SPART: variants seen among roughly 807,000 people sequenced by gnomAD.
SPART encodes spartin.
Under a neutral mutation model 58.7 loss-of-function variants are expected in SPART, and 35 were observed. That is an observed-to-expected ratio of 0.60 (90% confidence interval 0.46 to 0.79). The LOEUF (loss-of-function observed/expected upper bound fraction) is 0.79, where lower values mean the gene tolerates loss of function less well. Ranked by LOEUF, SPART falls within the 30% of genes least tolerant of loss-of-function variation. The pLI is 0.00. For missense variants in SPART, 730 were observed against 786.1 expected (o/e 0.93, Z 0.85); for synonymous variants, 284 against 280.7 (o/e 1.01, Z -0.12).
intron 1 of SPART, among the ~76,000 whole-genome samples, chr13:36,342,710 T>A (rs968469112): frequency 2.6e-5 from 4 of 152,120 alleles, no homozygotes; most frequent in Non-Finnish European, 5.9e-5. Context: ...CCACTCTAAA[T>A]GGTCTTCAAA....
chr13:36,348,221 G>A (rs7986488), upstream of SPART, among the ~76,000 whole-genome samples: 37,937 of 152,024 alleles, frequency 0.25, 5,245 homozygotes, highest in East Asian at 0.51. Flanking sequence ...GGGAGGCAGA[G>A]GCAGCAGTGA....
intron 1 of SPART, among the ~76,000 whole-genome samples, chr13:36,355,854 C>A (rs1200721545): frequency 6.6e-6 from 1 of 150,804 alleles, no homozygotes; most frequent in Non-Finnish European, 1.5e-5. Flanking sequence ...AAAAACCCCA[C>A]AATTACCTTT....
chr13:36,340,811 G>A (rs1221212833), intron 1 of SPART, among the ~76,000 whole-genome samples: 4 of 152,160 alleles, frequency 2.6e-5, no homozygotes, highest in African/African-American at 9.7e-5. Context: ...AGTATTCAGG[G>A]TTCCATTAGT....
At chr13:36,369,549 A>C (rs182965128) in intron 1 of SPART, 2 of 152,318 alleles carry the variant, frequency 1.3e-5, no homozygotes, top group Admixed American at 1.3e-4. Context: ...CTTTCCCCCA[A>C]GAAAATACAG....
rs778853069 is a variant in SPART, at chr13:36,312,312, T to C, written c.1642+7A>G. 1 of 1,613,896 alleles carries C rather than the reference T, an allele frequency of 6.2e-7. No individual in the cohort carries two copies. Among genetic ancestry groups the C allele is most frequent in the African/African-American group, 1.3e-5 (1 of 74,908 alleles). ...CTTCATAGTTAAAATTCTGGGCCCT[T>C]TGTTACCTTGAACACTACTTGCTGC... On this transcript the variant is annotated splice_region_variant and intron_variant, in intron 7 of 8. Coordinates refer to ENST00000438666, the MANE Select transcript of SPART (RefSeq NM_015087.5).
At chr13:36,318,468 A>G (rs1881977940) in intron 5 of SPART, among the ~76,000 whole-genome samples, 1 of 152,222 alleles carries the variant, frequency 6.6e-6, no homozygotes, top group Admixed American at 6.5e-5. Context: ...TTCTCAAAAT[A>G]CATTTTATTA....
At chr13:36,310,544 T>C (rs1004564006) in intron 8 of SPART, among the ~76,000 whole-genome samples, 1 of 152,196 alleles carries the variant, frequency 6.6e-6, no homozygotes, top group African/African-American at 2.4e-5. Flanking sequence ...TGAAACCTAG[T>C]TGTATCCCAC....
chr13:36,363,195 T>G (rs1222736619), intron 1 of SPART, among the ~76,000 whole-genome samples: 1 of 152,236 alleles, frequency 6.6e-6, no homozygotes, highest in Non-Finnish European at 1.5e-5. Flanking sequence ...AGTCTAAAGA[T>G]GAGTAATGAT....
upstream of SPART, among the ~76,000 whole-genome samples, chr13:36,350,222 C>CTGGG (rs1289476781): frequency 6.6e-6 from 1 of 152,174 alleles, no homozygotes; most frequent in Non-Finnish European, 1.5e-5. Flanking sequence ...AGGGCTTCCC[C>CTGGG]GAATTCCTTA....
chr13:36,312,105 C>A (rs770843751), intron 8 of SPART, 40 bp downstream of exon 8: 4 of 1,577,720 alleles, frequency 2.5e-6, no homozygotes, highest in Admixed American at 1.7e-5. Context: ...ACAACAACAA[C>A]AAAACAGAGA....
At position 36,312,042 on chromosome 13, in the gene SPART, G is replaced by A. The variant is rs946196829; in HGVS notation, c.1733+103C>T. 146 of 1,042,230 alleles carry A rather than the reference G, an allele frequency of 1.4e-4. No individual in the cohort carries two copies. The Middle Eastern group carries it at 2.4e-3, about 17-fold the overall frequency. 64.6% of individuals were successfully genotyped at this position (1,042,230 alleles called of 1,614,324 possible). A position where few individuals can be genotyped will look rare whatever the true frequency, so the allele number is the denominator to read the frequency against. On this transcript the variant is annotated intron_variant, in intron 8 of 8. Transcript: ENST00000438666. ...GTGGAGGTTGCAGTGACCTAAGATC[G>A]CGCCATTGCACTCCAGCTTGGGCAA... is the stretch of plus-strand genomic sequence containing the variant.
At chr13:36,333,906 T>C (rs1031442885) in intron 2 of SPART, among the ~76,000 whole-genome samples, 11 of 152,198 alleles carry the variant, frequency 7.2e-5, no homozygotes, top group African/African-American at 2.4e-4. Flanking sequence ...CAGTATCAAA[T>C]ATTTCCTTTC....
Position 36,312,218 on chromosome 13 carries a change from G to A in SPART, c.1660C>T (p.Gln554Ter). 6.2e-7 allele frequency: 1 copy of A among 1,614,122 alleles called. No individual in the cohort carries two copies. Among genetic ancestry groups the A allele is most frequent in the Non-Finnish European group, 8.5e-7 (1 of 1,179,982 alleles). ...CATTTAGCTGCACATTCCAATCCTT[G>A]CCAGACAGTTGAAAATCCTGTAAAA... ...SSVQGFSTVW[Q>*]GLECAAKCIV... Residue 554 changes from glutamine to a stop codon, truncating the protein, a stop_gained, in exon 8 of 9, where the codon CAA (glutamine) becomes TAA (stop). Transcript: ENST00000438666. LOFTEE classifies it high-confidence loss of function.
chr13:36,323,464 CT>C (rs139858423), intron 5 of SPART, among the ~76,000 whole-genome samples: 1 of 152,166 alleles, frequency 6.6e-6, no homozygotes, highest in African/African-American at 2.4e-5. Context: ...GGTTGTTTTA[CT>C]TTTTTTACCT....
chr13:36,329,540 T>C, intron 3 of SPART, 23 bp from the exon 4 acceptor site: 2 of 1,613,418 alleles, frequency 1.2e-6, no homozygotes, highest in Non-Finnish European at 1.7e-6. Flanking sequence ...GGTTTAAGCT[T>C]AACTCTAATC....
Position 36,335,770 on chromosome 13 carries a change from T to C in SPART, c.61A>G (p.Lys21Glu), listed in dbSNP as rs764955116. ...TTGTTAACAAATAAAAAGGCCTTCT[T>C]ATATGCTTCTCTGATGATCTTAATT... ...AEIKIIREAY[K>E]KAFLFVNKGL... Residue 21 changes from lysine (K) to glutamate (E), a missense_variant, in exon 2 of 9, where the codon AAG becomes GAG. Lys to Glu is a moderately conservative substitution (Grantham distance 56). Transcript: ENST00000438666. 3 of 1,613,856 alleles carry C rather than the reference T, an allele frequency of 1.9e-6. No individual in the cohort carries two copies. Among genetic ancestry groups the C allele is most frequent in the Non-Finnish European group, 2.5e-6 (3 of 1,180,004 alleles).
At chr13:36,326,356 A>C (rs929294956) in intron 5 of SPART, 8 of 550,060 alleles carry the variant, frequency 1.5e-5, no homozygotes, top group Non-Finnish European at 2.2e-5. Flanking sequence ...CCATTTTCCC[A>C]ATAGTAGAAC....
chr13:36,337,739 G>A lies in SPART; in HGVS notation c.-2-1907C>T, dbSNP rs192521505. Among the ~76,000 whole-genome samples the A allele has an allele frequency of 5.1e-3, 776 of 152,232 alleles. 7 individuals carry two copies. Among genetic ancestry groups the A allele is most frequent in the African/African-American group, 0.016 (678 of 41,546 alleles). ...TCTTGGTTATCAGATCAACTGTTCC[G>A]ATATTGTGGTGGTTGGATTCAACTA... On this transcript the variant is annotated intron_variant, in intron 1 of 8. Coordinates refer to ENST00000438666, the MANE Select transcript of SPART (RefSeq NM_015087.5).
At chr13:36,342,136 T>C (rs769006221) in intron 1 of SPART, among the ~76,000 whole-genome samples, 20 of 152,218 alleles carry the variant, frequency 1.3e-4, no homozygotes, top group Non-Finnish European at 1.9e-4. Context: ...TTGTGCTACA[T>C]ACGATAGGAC....
Sources: gnomAD v4.1 joint callset for allele counts (sites outside exome capture counted in the v4.1 genomes callset) on GRCh38, gnomAD v4.1.1 for gene constraint, MANE v1.5 for transcripts, NCBI Gene and HGNC (gene_info 2026-07-23, HGNC 2026-07-21) for gene names.